The following RERE variants were observed in gnomAD, a reference collection of about 807,000 sequenced individuals.
RERE encodes arginine-glutamic acid dipeptide repeats.
RERE carries 40 observed loss-of-function variants against 146.1 expected under a neutral mutation model. The observed-to-expected ratio is 0.27, with a 90% CI of 0.21 to 0.36. The LOEUF is 0.36. Among genes scored for constraint, RERE ranks in the 10% least tolerant of loss-of-function variants. The pLI is 1.00. For synonymous variants in RERE, 1,003 were observed against 866.0 expected (o/e 1.16, Z -2.78); for missense variants, 1,933 against 2,138.7 (o/e 0.90, Z 1.90).
chr1:8,556,232 A>G (rs1249397191), intron 6 of RERE, among the ~76,000 whole-genome samples: 2 of 152,134 alleles, frequency 1.3e-5, no homozygotes, highest in African/African-American at 2.4e-5. Context: ...AATAATATAG[A>G]AACAGCATTA....
chr1:8,465,331 T>C (rs1279247562), intron 11 of RERE: 1 of 174,584 alleles, frequency 5.7e-6, no homozygotes, highest in Non-Finnish European at 1.3e-5. Context: ...TCATCAACTC[T>C]CTGCTTCCCG....
chr1:8,396,048 T>TC (rs1026262968), intron 12 of RERE, among the ~76,000 whole-genome samples: 15 of 152,280 alleles, frequency 9.9e-5, no homozygotes, highest in African/African-American at 3.6e-4. Flanking sequence ...AAGACTTTGT[T>TC]CCCCAAGAAA....
chr1:8,607,314 C>G (rs1393724398), intron 4 of RERE, among the ~76,000 whole-genome samples: 1 of 149,412 alleles, frequency 6.7e-6, no homozygotes, highest in Non-Finnish European at 1.5e-5. Flanking sequence ...GAGCCATTAT[C>G]AGGCCACTGC....
At chr1:8,752,084 C>T (rs898452809) in intron 1 of RERE, among the ~76,000 whole-genome samples, 1 of 151,952 alleles carries the variant, frequency 6.6e-6, no homozygotes, top group Non-Finnish European at 1.5e-5. Context: ...TATTATTATC[C>T]CCATTTTACA....
At chr1:8,502,929 T>C (rs1405050825) in intron 8 of RERE, among the ~76,000 whole-genome samples, 1 of 151,080 alleles carries the variant, frequency 6.6e-6, no homozygotes, top group Non-Finnish European at 1.5e-5. Flanking sequence ...TAATCTTAAG[T>C]ACCCAGGGAC....
At chr1:8,765,719 C>T (rs999716723) in intron 1 of RERE, among the ~76,000 whole-genome samples, 1 of 152,102 alleles carries the variant, frequency 6.6e-6, no homozygotes, top group Non-Finnish European at 1.5e-5. Flanking sequence ...TTTGGGAGAC[C>T]GAGGCAGGCG....
rs761642420 is a variant in RERE, at chr1:8,495,104, C to A, written c.1063G>T (p.Ala355Ser). Reference sequence around the variant, plus strand: ...AGAGTGGTGTCATCCCGAGAGGCTGCGACACAGCCGTCCTCTGTAGAGCCT... The same window carrying A: ...AGAGTGGTGTCATCCCGAGAGGCTGAGACACAGCCGTCCTCTGTAGAGCCT... ...DGGSTEDGCV[A>S]ASRDDTTLNA... is the part of the protein sequence containing the mutation. The change falls in exon 10 of 23, where the codon GCA (alanine) becomes TCA (serine). Residue 355 changes from alanine (A) to serine (S), a missense_variant. Around this residue, in one of 11 missense-constraint regions of RERE, gnomAD observed 260 missense variants for 378.4 expected, o/e 0.69. Transcript: ENST00000400908. 8.1e-6 allele frequency: 13 copies of A among 1,613,670 alleles called. No individual in the cohort carries two copies. Among genetic ancestry groups the A allele is most frequent in the Non-Finnish European group, 1.1e-5 (13 of 1,179,658 alleles).
chr1:8,793,281 G>C (rs189146806), intron 1 of RERE, among the ~76,000 whole-genome samples: 1 of 151,894 alleles, frequency 6.6e-6, no homozygotes, highest in Non-Finnish European at 1.5e-5. Context: ...CATGACAGCT[G>C]TATCAAAGGC....
At chr1:8,414,850 A>G (rs1345595800) in intron 12 of RERE, among the ~76,000 whole-genome samples, 1 of 148,380 alleles carries the variant, frequency 6.7e-6, no homozygotes, top group Non-Finnish European at 1.5e-5. Context: ...ACATGACAGG[A>G]AAAAAAAAAT....
At chr1:8,501,027 CGGGAGGG>C (rs1645133897) in intron 8 of RERE, among the ~76,000 whole-genome samples, 1 of 38,298 alleles carries the variant, frequency 2.6e-5, no homozygotes, top group Non-Finnish European at 6.1e-5. Context: ...CCACCCCGTC[CGGGAGGG>C]GGGGGGGGGG....
chr1:8,417,806 C>T (rs115109046), intron 12 of RERE, among the ~76,000 whole-genome samples: 2,641 of 152,350 alleles, frequency 0.017, 32 homozygotes, highest in South Asian at 0.027. Flanking sequence ...TCTACTGCAT[C>T]CGCTTATGCA....
At chr1:8,369,198 C>G (rs1641931286) in intron 12 of RERE, among the ~76,000 whole-genome samples, 1 of 152,004 alleles carries the variant, frequency 6.6e-6, no homozygotes, top group Non-Finnish European at 1.5e-5. Flanking sequence ...GAGAGGCCAT[C>G]TCTTTAAAAA....
chr1:8,446,152 G>T (rs939057156), intron 11 of RERE, among the ~76,000 whole-genome samples: 10 of 152,142 alleles, frequency 6.6e-5, no homozygotes, highest in African/African-American at 2.2e-4. Context: ...ATGAAATTCT[G>T]GGTTGAAAAT....
At chr1:8,457,727 T>C (rs898672399) in intron 11 of RERE, among the ~76,000 whole-genome samples, 7 of 152,056 alleles carry the variant, frequency 4.6e-5, no homozygotes, top group African/African-American at 1.7e-4. Context: ...CAGCCTTCCA[T>C]GTAGCTGAGA....
intron 11 of RERE, among the ~76,000 whole-genome samples, chr1:8,464,250 G>GC (rs1329445741): frequency 3.3e-5 from 5 of 152,100 alleles, no homozygotes; most frequent in African/African-American, 9.7e-5. Flanking sequence ...AAACCCTAGG[G>GC]CCATTTCAGT....
At chr1:8,650,637 G>A (rs1037246025) in intron 2 of RERE, among the ~76,000 whole-genome samples, 5 of 151,978 alleles carry the variant, frequency 3.3e-5, no homozygotes, top group Admixed American at 1.3e-4. Context: ...AGTGGCTCAC[G>A]CCTGTAATCC....
chr1:8,798,555 T>C (rs1641525575), intron 1 of RERE: 1 of 217,244 alleles, frequency 4.6e-6, no homozygotes, highest in South Asian at 8.4e-5. Flanking sequence ...AAAGATATCA[T>C]CATGAAGAAC....
chr1:8,616,441 T>C (rs1265398533), intron 3 of RERE, among the ~76,000 whole-genome samples: 7 of 152,126 alleles, frequency 4.6e-5, no homozygotes, highest in Non-Finnish European at 1.0e-4. Context: ...CATATATACA[T>C]ACAAATTACA....
chr1:8,650,627 A>C (rs1336448132), intron 2 of RERE, among the ~76,000 whole-genome samples: 2 of 151,916 alleles, frequency 1.3e-5, no homozygotes, highest in Non-Finnish European at 2.9e-5. Context: ...GGCCAGGAGC[A>C]GTGGCTCACG....
Sources: allele counts gnomAD v4.1 joint callset (sites outside exome capture counted in the v4.1 genomes callset), GRCh38; gene constraint gnomAD v4.1.1; regional missense constraint gnomAD v4.1.1; transcripts MANE v1.5; gene names NCBI Gene and HGNC (gene_info 2026-07-23, HGNC 2026-07-21).